ITGAM: variants seen among roughly 807,000 people sequenced by gnomAD.
ITGAM encodes integrin alpha-M.
ITGAM carries 79 observed loss-of-function variants against 137.5 expected under a neutral mutation model. The observed-to-expected ratio is 0.57, with a 90% CI of 0.48 to 0.69. The LOEUF (loss-of-function observed/expected upper bound fraction) is 0.69, where lower values mean the gene tolerates loss of function less well. ITGAM is among the 30% of genes least tolerant of loss of function. The pLI, the probability that ITGAM is intolerant of heterozygous loss-of-function variation, is 0.00. For synonymous variants in ITGAM, 583 were observed against 592.3 expected (o/e 0.98, Z 0.23); for missense variants, 1,343 against 1,483.5 (o/e 0.91, Z 1.56).
In ITGAM at chr16:31,330,594, G is replaced by A. The variant is rs1218890713; in HGVS notation, c.3265G>A (p.Val1089Met). 1.2e-6 allele frequency: 2 copies of A among 1,608,830 alleles called. No homozygotes were observed. The highest frequency in any genetic ancestry group is 1.7e-6 in the Non-Finnish European group (2 of 1,176,958). The change falls in exon 28 of 30, where the codon GTG becomes ATG. Residue 1089 changes from valine to methionine, a missense_variant. Val to Met is a conservative substitution (Grantham distance 21). Transcript: ENST00000544665. ...CCTGCTGCCGGGACAGGGGGCGTTT[G>A]TGAGGTCCCAGGTACCTGTCTTGGG... The part of the protein sequence containing the change: ...FTLLPGQGAF[V>M]RSQTETKVEP...
chr16:31,266,148 G>T lies in ITGAM; in HGVS notation c.427+1G>T, dbSNP rs1457345177. On this transcript the variant is annotated splice_donor_variant, in intron 5 of 29. Transcript: ENST00000544665. LOFTEE classifies it high-confidence loss of function. ...CAGAAGTTCCCAGAGGCCCTCCGAG[G>T]TGGGTTGCCTTTGGCAGAGGGAACA... is the stretch of plus-strand genomic sequence containing the variant. 1.9e-6 allele frequency: 3 copies of T among 1,609,898 alleles called. No homozygotes were observed. The highest frequency in any genetic ancestry group is 2.5e-6 in the Non-Finnish European group (3 of 1,176,636).
intron 12 of ITGAM, among the ~76,000 whole-genome samples, chr16:31,283,209 T>C: frequency 6.6e-6 from 1 of 152,224 alleles, no homozygotes; most frequent in Non-Finnish European, 1.5e-5. Context: ...GGAGTTGCTC[T>C]TCTTGAGGAG....
At chr16:31,288,000 A>G (rs1337816332) in intron 12 of ITGAM, among the ~76,000 whole-genome samples, 1 of 152,160 alleles carries the variant, frequency 6.6e-6, no homozygotes, top group African/African-American at 2.4e-5. Flanking sequence ...AAAGTGGGAC[A>G]GTCTGGGAGT....
chr16:31,298,984 A>G (rs75274799), intron 14 of ITGAM, among the ~76,000 whole-genome samples: 129 of 152,036 alleles, frequency 8.5e-4, no homozygotes, highest in African/African-American at 2.9e-3. Flanking sequence ...TTCCCTGTTC[A>G]TATTCTTTCC....
intron 2 of ITGAM, among the ~76,000 whole-genome samples, chr16:31,262,449 C>T (rs749822015): frequency 6.6e-6 from 1 of 151,306 alleles, no homozygotes; most frequent in Non-Finnish European, 1.5e-5. Context: ...GTCATTCAGC[C>T]TGGAGTGCAC....
At chr16:31,264,185 G>A (rs1041800158) in intron 2 of ITGAM, among the ~76,000 whole-genome samples, 1 of 151,896 alleles carries the variant, frequency 6.6e-6, no homozygotes, top group Non-Finnish European at 1.5e-5. Context: ...AGGGGCTCAC[G>A]CCTGTAATCC....
chr16:31,325,319 G>T lies in ITGAM; in HGVS notation c.2420G>T (p.Arg807Ile). The change falls in exon 20 of 30, where the codon AGA becomes ATA. Residue 807 changes from arginine (R) to isoleucine (I), a missense_variant. By Grantham distance (97) the Arg-to-Ile change is moderately conservative. Coordinates refer to ENST00000544665, the MANE Select transcript of ITGAM (RefSeq NM_000632.4). ...GAGTTCAACGTGACAGTGACTGTGA[G>T]AAATGATGGTGAGGACTCCTACAGG... Reference protein sequence around the residue: ...PREFNVTVTVRNDGEDSYRTQ... With the variant: ...PREFNVTVTVINDGEDSYRTQ... 6.2e-7 allele frequency: 1 copy of T among 1,613,954 alleles called. No individual in the cohort carries two copies. The highest frequency in any genetic ancestry group is 8.5e-7 in the Non-Finnish European group (1 of 1,179,866).
At chr16:31,299,702 G>T (rs2080175276) in intron 14 of ITGAM, among the ~76,000 whole-genome samples, 1 of 151,864 alleles carries the variant, frequency 6.6e-6, no homozygotes, top group Non-Finnish European at 1.5e-5. Context: ...CGTCCTCCAG[G>T]TTCATCCATG....
At position 31,273,414 on chromosome 16, in the gene ITGAM, A is replaced by G; in HGVS notation, c.754A>G (p.Ile252Val). 1.2e-6 allele frequency: 2 copies of G among 1,613,770 alleles called. No homozygotes were observed. The highest frequency in any genetic ancestry group is 1.7e-6 in the Non-Finnish European group (2 of 1,179,824). Residue 252 changes from isoleucine to valine, a missense_variant, in exon 8 of 30, where the codon ATC (isoleucine) becomes GTC (valine). Coordinates refer to ENST00000544665, the MANE Select transcript of ITGAM (RefSeq NM_000632.4). The part of the protein sequence containing the change: ...TNGARKNAFK[I>V]LVVITDGEKF... ...CGGAGCCCGAAAGAATGCCTTTAAGATCCTAGTTGTCATCACGGATGGAGA... is the reference window on the plus strand; with the variant it reads ...CGGAGCCCGAAAGAATGCCTTTAAGGTCCTAGTTGTCATCACGGATGGAGA...
In ITGAM at chr16:31,324,930, T is replaced by C. The variant is rs1451035437; in HGVS notation, c.2290-28T>C. 1.1e-5 allele frequency: 17 copies of C among 1,582,510 alleles called. No individual in the cohort carries two copies. Among genetic ancestry groups the C allele is most frequent in the Non-Finnish European group, 1.5e-5 (17 of 1,163,290 alleles). ...CAATACTTGGTTATTTTCTTTCCTT[T>C]CATTTGATCATATTTATTTTTTAAA... On this transcript the variant is annotated intron_variant, in intron 18 of 29. Transcript: ENST00000544665. The surrounding 1 kb of genome is among the most constrained non-coding windows in gnomAD (Gnocchi z 4.5).
chr16:31,316,872 T>C (rs570953893), intron 14 of ITGAM, among the ~76,000 whole-genome samples: 47 of 152,294 alleles, frequency 3.1e-4, no homozygotes, highest in African/African-American at 1.1e-3. Context: ...CCATTGTAAA[T>C]AGGATTAATT....
At chr16:31,277,763 G>A (rs2079924671) in intron 11 of ITGAM, among the ~76,000 whole-genome samples, 1 of 152,132 alleles carries the variant, frequency 6.6e-6, no homozygotes, top group South Asian at 2.1e-4. Context: ...AAAGTGCTGG[G>A]ATTATAGGTG....
intron 12 of ITGAM, among the ~76,000 whole-genome samples, chr16:31,283,281 G>A (rs1465638513): frequency 6.6e-6 from 1 of 152,124 alleles, no homozygotes; most frequent in African/African-American, 2.4e-5. Context: ...GCTAGATTGG[G>A]GAAGTTCTCC....
At chr16:31,284,693 C>A (rs1418933820) in intron 12 of ITGAM, among the ~76,000 whole-genome samples, 1 of 152,156 alleles carries the variant, frequency 6.6e-6, no homozygotes, top group Non-Finnish European at 1.5e-5. Context: ...CGATGACCCA[C>A]CCTGCTTTGG....
At chr16:31,281,051 C>T (rs2079963564) in intron 12 of ITGAM, among the ~76,000 whole-genome samples, 1 of 152,208 alleles carries the variant, frequency 6.6e-6, no homozygotes, top group Non-Finnish European at 1.5e-5. Flanking sequence ...TCCAGCCTTG[C>T]ATCCCAGGGA....
At chr16:31,331,076 C>G (rs981831945) in intron 28 of ITGAM, 89 bp from the exon 29 acceptor site, 10 of 690,590 alleles carry the variant, frequency 1.4e-5, no homozygotes, top group East Asian at 5.4e-5. Context: ...GAGGGGTTCC[C>G]CACTTGATTC....
intron 14 of ITGAM, among the ~76,000 whole-genome samples, chr16:31,318,892 A>G (rs2080419694): frequency 1.3e-5 from 2 of 151,938 alleles, no homozygotes; most frequent in Admixed American, 6.6e-5. Flanking sequence ...GCTGCCTCCC[A>G]TTAAGTTTGG....
Position 31,277,399 on chromosome 16 carries a change from C to T in ITGAM, c.1213+350C>T, listed in dbSNP as rs192924074. ...TCGAAATGGGGTTTCGCTCTTGTTGCCCAGGCTGGAGTGCAATGGCGTGAT... is the reference window on the plus strand; with the variant it reads ...TCGAAATGGGGTTTCGCTCTTGTTGTCCAGGCTGGAGTGCAATGGCGTGAT... On this transcript the variant is annotated intron_variant, in intron 11 of 29. Transcript: ENST00000544665. 1.9e-3 allele frequency among the ~76,000 whole-genome samples: 289 copies of T among 150,946 alleles called. 3 individuals are homozygous for T. The highest frequency in any genetic ancestry group is 6.5e-3 in the African/African-American group (264 of 40,848).
chr16:31,332,604 C>T lies in ITGAM; in HGVS notation c.*897C>T, dbSNP rs2080602263. ...ATGTGCAAGTGTATGCACGTGTGCACACACACCACACATACACACACACAA... is the reference window on the plus strand; with the variant it reads ...ATGTGCAAGTGTATGCACGTGTGCATACACACCACACATACACACACACAA... On this transcript the variant is annotated 3_prime_UTR_variant, in exon 30 of 30. Coordinates refer to ENST00000544665, the MANE Select transcript of ITGAM (RefSeq NM_000632.4). The T allele has an allele frequency of 6.6e-6, 1 of 152,078 alleles. No homozygotes were observed. The highest frequency in any genetic ancestry group is 2.4e-5 in the African/African-American group (1 of 41,354). The allele number at this position is 152,078 out of a possible 1,614,324, so 9.4% of individuals were successfully genotyped here. A position where few individuals can be genotyped will look rare whatever the true frequency, so the allele number is the denominator to read the frequency against.
Sources: allele counts gnomAD v4.1 joint callset (sites outside exome capture counted in the v4.1 genomes callset), GRCh38; gene constraint gnomAD v4.1.1; non-coding constraint Gnocchi (gnomAD v3.1); transcripts MANE v1.5; gene names NCBI Gene and HGNC (gene_info 2026-07-23, HGNC 2026-07-21).